MLLT10: variants seen among roughly 807,000 people sequenced by gnomAD.
MLLT10 encodes MLLT10 histone lysine methyltransferase DOT1L cofactor.
In MLLT10, 30 loss-of-function variants were observed where a neutral mutation model predicts 129.1. That is an observed-to-expected ratio of 0.23 (90% confidence interval 0.17 to 0.32). The LOEUF (loss-of-function observed/expected upper bound fraction) is 0.32. Among genes scored for constraint, MLLT10 ranks in the 10% least tolerant of loss-of-function variants. The pLI is 1.00. For synonymous variants in MLLT10, 490 were observed against 446.4 expected, an observed-to-expected ratio of 1.10 and a Z score of -1.23; for missense variants, 1,119 against 1,268.3, an observed-to-expected ratio of 0.88 and a Z score of 1.79.
intron 14 of MLLT10, among the ~76,000 whole-genome samples, chr10:21,716,368 A>T (rs2056554954): frequency 6.6e-6 from 1 of 152,206 alleles, no homozygotes; most frequent in Non-Finnish European, 1.5e-5. Flanking sequence ...GCAGTAAGAT[A>T]AATGGGTGAA....
intron 11 of MLLT10, among the ~76,000 whole-genome samples, chr10:21,678,974 G>A (rs1000958473): frequency 6.6e-6 from 1 of 152,112 alleles, no homozygotes; most frequent in Non-Finnish European, 1.5e-5. Flanking sequence ...TTGGCTAAAA[G>A]CATCAGTTTT....
intron 13 of MLLT10, among the ~76,000 whole-genome samples, chr10:21,685,986 C>A (rs2053253868): frequency 6.6e-6 from 1 of 152,110 alleles, no homozygotes; most frequent in Non-Finnish European, 1.5e-5. Flanking sequence ...GCAAAACCAT[C>A]CCTGAGACAT....
At chr10:21,705,870 G>A (rs566893685) in intron 13 of MLLT10, among the ~76,000 whole-genome samples, 4 of 152,208 alleles carry the variant, frequency 2.6e-5, no homozygotes, top group South Asian at 2.1e-4. Context: ...CAATCTCCTC[G>A]CAGTTCCTTA....
intron 13 of MLLT10, among the ~76,000 whole-genome samples, chr10:21,695,492 T>C (rs1234415661): frequency 3.3e-5 from 5 of 152,234 alleles, no homozygotes; most frequent in Non-Finnish European, 5.9e-5. Flanking sequence ...CAAGATACTC[T>C]GTGTTCTTCT....
chr10:21,713,898 C>A lies in MLLT10; in HGVS notation c.1826C>A (p.Ala609Glu). 1 of 1,613,838 alleles carries A rather than the reference C, an allele frequency of 6.2e-7. No individual in the cohort carries two copies. Among genetic ancestry groups the A allele is most frequent in the South Asian group, 1.1e-5 (1 of 91,066 alleles). ...QSSGHLQQVG[A>E]LSPSAVSSAA... ...TCTGGGCATTTGCAACAAGTAGGAG[C>A]GCTCTCTCCCTCAGCTGTGTCATCT... Residue 609 changes from alanine (A) to glutamate (E), a missense_variant, in exon 14 of 23, where the codon GCG becomes GAG. Ala to Glu is a moderately radical substitution (Grantham distance 107, BLOSUM62 -1). Transcript: ENST00000307729.
chr10:21,674,818 T>C (rs1269867509), intron 11 of MLLT10, among the ~76,000 whole-genome samples: 1 of 152,178 alleles, frequency 6.6e-6, no homozygotes, highest in Non-Finnish European at 1.5e-5. Flanking sequence ...TTATTATGGA[T>C]TGTATTTGTT....
At chr10:21,678,862 G>T (rs189302945) in intron 11 of MLLT10, among the ~76,000 whole-genome samples, 1 of 152,136 alleles carries the variant, frequency 6.6e-6, no homozygotes, top group African/African-American at 2.4e-5. Context: ...GAACAGCCTT[G>T]TGAAATAGGA....
At chr10:21,667,132 T>A (rs1276550884) in intron 9 of MLLT10, among the ~76,000 whole-genome samples, 1 of 152,164 alleles carries the variant, frequency 6.6e-6, no homozygotes, top group Admixed American at 6.5e-5. Context: ...TTTCTTTTAG[T>A]ACTCTCCTGT....
At chr10:21,537,517 T>C (rs537236667) in intron 2 of MLLT10, among the ~76,000 whole-genome samples, 1 of 152,148 alleles carries the variant, frequency 6.6e-6, no homozygotes, top group African/African-American at 2.4e-5. Flanking sequence ...CAGGCTGGAG[T>C]GCAGTGGCGT....
intron 4 of MLLT10, among the ~76,000 whole-genome samples, chr10:21,589,149 T>C (rs1262748641): frequency 2.6e-5 from 4 of 152,110 alleles, no homozygotes; most frequent in Admixed American, 6.6e-5. Flanking sequence ...TTATGCTGTT[T>C]TGATATGAGT....
chr10:21,627,238 C>G lies in MLLT10; in HGVS notation c.699+10031C>G, dbSNP rs193092937. 1.5e-4 allele frequency among the ~76,000 whole-genome samples: 23 copies of G among 152,278 alleles called. No individual in the cohort carries two copies. The East Asian group carries it at 2.3e-3, about 15-fold the overall frequency. On this transcript the variant is annotated intron_variant, in intron 8 of 22. Coordinates refer to ENST00000307729, the MANE Select transcript of MLLT10 (RefSeq NM_001195626.3). ...CTCCTCTACTCTCTGTAGAATCTTT[C>G]TGAACCATTGCAGGGTAAATTACAA...
intron 13 of MLLT10, among the ~76,000 whole-genome samples, chr10:21,689,645 A>T (rs1303087623): frequency 2.1e-5 from 3 of 141,710 alleles, no homozygotes; most frequent in Non-Finnish European, 3.0e-5. Flanking sequence ...ACACATTTAT[A>T]TATATATATA....
intron 14 of MLLT10, among the ~76,000 whole-genome samples, chr10:21,715,408 A>C (rs1319283028): frequency 6.6e-6 from 1 of 152,200 alleles, no homozygotes; most frequent in Non-Finnish European, 1.5e-5. Context: ...TCTGTAGTTC[A>C]TGTCACTAAA....
Position 21,534,494 on chromosome 10 carries a change from C to T in MLLT10, c.-27C>T. ...CATGGCTCCTGACTCCTGTGCGGAA[C>T]GTGAGTGACTGAGCGGCAAAGCCCG... On this transcript the variant is annotated 5_prime_UTR_variant, in exon 1 of 23. The change creates a new upstream start codon in the 5' untranslated region. Transcript: ENST00000307729. The T allele has an allele frequency of 2.9e-6, 2 of 699,710 alleles. No individual in the cohort carries two copies. The highest frequency in any genetic ancestry group is 4.4e-6 in the Non-Finnish European group (2 of 450,474). 43.3% of individuals were successfully genotyped at this position (699,710 alleles called of 1,614,324 possible).
At chr10:21,535,209 C>T (rs1171147724) in intron 2 of MLLT10, among the ~76,000 whole-genome samples, 2 of 152,110 alleles carry the variant, frequency 1.3e-5, no homozygotes, top group Non-Finnish European at 2.9e-5. Flanking sequence ...GGAGCGCCCT[C>T]TTCTCCCCTG....
chr10:21,534,866 A>T (rs537652266), intron 2 of MLLT10, 62 bp downstream of exon 2: 3 of 1,168,264 alleles, frequency 2.6e-6, no homozygotes, highest in Middle Eastern at 7.2e-4. Flanking sequence ...CGCCGCCCCC[A>T]CCTGGGCCGC....
intron 11 of MLLT10, among the ~76,000 whole-genome samples, chr10:21,680,279 C>T (rs1283446724): frequency 1.3e-5 from 2 of 151,802 alleles, no homozygotes; most frequent in African/African-American, 4.8e-5. Context: ...GGTGCAATCT[C>T]GGCTCACTGA....
intron 13 of MLLT10, among the ~76,000 whole-genome samples, chr10:21,701,333 A>G (rs1419468096): frequency 7.6e-6 from 1 of 130,938 alleles, no homozygotes; most frequent in Non-Finnish European, 1.6e-5. Context: ...TCTAATCTTC[A>G]TTATATCTTT....
chr10:21,704,122 G>C (rs1437398822), intron 13 of MLLT10, among the ~76,000 whole-genome samples: 1 of 132,240 alleles, frequency 7.6e-6, no homozygotes, highest in African/African-American at 2.9e-5. Context: ...TGATTCTCCT[G>C]CTTCAGCCTC....
Sources: gnomAD v4.1 joint callset for allele counts (sites outside exome capture counted in the v4.1 genomes callset) on GRCh38, gnomAD v4.1.1 for gene constraint, MANE v1.5 for transcripts, NCBI Gene and HGNC (gene_info 2026-07-23, HGNC 2026-07-21) for gene names.